Variants in SLC25A24 observed in about 807,000 individuals in gnomAD.
SLC25A24 encodes solute carrier family 25 member 24, also known as mitochondrial adenyl nucleotide antiporter SLC25A24.
SLC25A24 carries 49 observed loss-of-function variants against 60.7 expected under a neutral mutation model. That is an observed-to-expected ratio of 0.81 (90% CI 0.64 to 1.02). The LOEUF is 1.02. Ranked by LOEUF, SLC25A24 falls within the 50% of genes least tolerant of loss-of-function variation. SLC25A24 has a pLI of 0.00. For missense variants in SLC25A24, 564 were observed against 586.3 expected, an observed-to-expected ratio of 0.96 and a Z score of 0.39; for synonymous variants, 202 against 200.6, an observed-to-expected ratio of 1.01 and a Z score of -0.06.
chr1:108,177,317 C>T (rs1553255831), intron 3 of SLC25A24, among the ~76,000 whole-genome samples: 1 of 150,714 alleles, frequency 6.6e-6, no homozygotes, highest in South Asian at 2.1e-4. Flanking sequence ...ATCACTTAAC[C>T]ACAAAAAAAA....
At chr1:108,159,726 A>T (rs1243225505) in intron 4 of SLC25A24, among the ~76,000 whole-genome samples, 1 of 151,632 alleles carries the variant, frequency 6.6e-6, no homozygotes, top group Admixed American at 6.6e-5. Flanking sequence ...CACCGCCCTT[A>T]ATCCATTTAA....
intron 5 of SLC25A24, 70 bp downstream of exon 5, chr1:108,157,392 T>G: frequency 6.8e-7 from 1 of 1,478,078 alleles, no homozygotes; most frequent in Non-Finnish European, 9.1e-7. Flanking sequence ...AACTTCTTTT[T>G]CAAAGCACCA....
At chr1:108,156,653 T>A (rs560726669) in intron 5 of SLC25A24, among the ~76,000 whole-genome samples, 1 of 152,370 alleles carries the variant, frequency 6.6e-6, no homozygotes, top group Non-Finnish European at 1.5e-5. Flanking sequence ...TGTAAACAAC[T>A]ACTATGTTCC....
intron 3 of SLC25A24, among the ~76,000 whole-genome samples, chr1:108,166,108 G>A (rs1195184541): frequency 6.6e-6 from 1 of 152,202 alleles, no homozygotes; most frequent in African/African-American, 2.4e-5. Context: ...CTTTAAGAAT[G>A]TTGAATATTG....
rs1344021328 is a variant in SLC25A24 at position 108,200,329 on chromosome 1, C to T, written c.-191G>A. On this transcript the variant is annotated 5_prime_UTR_variant, in exon 1 of 10. Transcript: ENST00000565488. ...AGCGGAGACCCCACCCGAGCCCGCG[C>T]GGAGCGCAGGGTGTGGCCGTCCCGC... 5.5e-6 allele frequency: 2 copies of T among 362,596 alleles called. No individual in the cohort carries two copies. Among genetic ancestry groups the T allele is most frequent in the Non-Finnish European group, 9.3e-6 (2 of 215,926 alleles). 22.5% of individuals were successfully genotyped at this position (362,596 alleles called of 1,614,324 possible). A position where few individuals can be genotyped will look rare whatever the true frequency, so the allele number is the denominator to read the frequency against.
At chr1:108,166,052 A>T (rs921855840) in intron 3 of SLC25A24, among the ~76,000 whole-genome samples, 10 of 151,954 alleles carry the variant, frequency 6.6e-5, no homozygotes, top group Non-Finnish European at 1.3e-4. Context: ...TTCACTTATG[A>T]AGCTTAGTTT....
chr1:108,157,682 T>C (rs963650223), intron 4 of SLC25A24, 62 bp from the exon 5 acceptor site: 8 of 1,550,960 alleles, frequency 5.2e-6, no homozygotes, highest in Admixed American at 1.8e-5. Flanking sequence ...GAAGACGTTT[T>C]GTTTTAGAGA....
intron 4 of SLC25A24, 107 bp downstream of exon 4, chr1:108,161,075 T>A: frequency 3.2e-6 from 2 of 621,930 alleles, no homozygotes; most frequent in Non-Finnish European, 5.7e-6. Flanking sequence ...AAGGAGCTAC[T>A]GGGACTCAGG....
At chr1:108,192,413 G>T in intron 1 of SLC25A24, 1 of 1,004,780 alleles carries the variant, frequency 1.0e-6, no homozygotes, top group Non-Finnish European at 1.5e-6. Flanking sequence ...TTGACAACAT[G>T]TAAATTTTGC....
chr1:108,138,542 G>C lies in SLC25A24; in HGVS notation c.1249+516C>G, dbSNP rs933902649. On this transcript the variant is annotated intron_variant, in intron 9 of 9. Transcript: ENST00000565488. The stretch of plus-strand genomic sequence containing the variant: ...TACAGTGTAATCAAAGCCAACAATG[G>C]AGACTGTCACAGTGAGGAGGAATCA... 1.8e-3 allele frequency among the ~76,000 whole-genome samples: 8 copies of C among 4,490 alleles called. No individual in the cohort carries two copies. In the Non-Finnish European group the frequency reaches 0.071, roughly 40 times the overall value. 2.9% of individuals were successfully genotyped at this position (4,490 alleles called of 152,430 possible). A position where few individuals can be genotyped will look rare whatever the true frequency, so the allele number is the denominator to read the frequency against.
At chr1:108,142,983 C>T (rs1398782166) in intron 8 of SLC25A24, among the ~76,000 whole-genome samples, 4 of 152,142 alleles carry the variant, frequency 2.6e-5, no homozygotes, top group Non-Finnish European at 5.9e-5. Flanking sequence ...TCTGTCGCAG[C>T]ACAGATAACC....
intron 6 of SLC25A24, 104 bp from the exon 7 acceptor site, chr1:108,148,490 TAGG>T (rs2101604789): frequency 1.4e-6 from 1 of 711,604 alleles, no homozygotes; most frequent in Admixed American, 2.0e-5. Flanking sequence ...GTGATGGTAT[TAGG>T]AGATGAGGCT....
intron 1 of SLC25A24, among the ~76,000 whole-genome samples, chr1:108,186,493 G>A (rs1216179016): frequency 3.3e-5 from 5 of 151,978 alleles, no homozygotes; most frequent in Non-Finnish European, 7.4e-5. Context: ...GGAATTTGAG[G>A]TTACAGTGAG....
intron 6 of SLC25A24, among the ~76,000 whole-genome samples, chr1:108,152,363 T>G (rs1357870679): frequency 1.3e-5 from 2 of 151,950 alleles, no homozygotes; most frequent in African/African-American, 4.8e-5. Flanking sequence ...TTCCCCTTTA[T>G]TTATTTATTT....
Position 108,164,236 on chromosome 1 carries a change from T to C in SLC25A24, c.399-2943A>G, listed in dbSNP as rs879431085. 1.5e-3 allele frequency among the ~76,000 whole-genome samples: 223 copies of C among 152,014 alleles called. 1 individual carries two copies. Among genetic ancestry groups the C allele is most frequent in the Non-Finnish European group, 3.0e-3 (203 of 68,014 alleles). On this transcript the variant is annotated intron_variant, in intron 3 of 9. Transcript: ENST00000565488. ...TTTTTGCATCAATGTTCATCAAGGATATTGGTCTAAAATTCTCTTTTTTTG... is the reference window on the plus strand; with the variant it reads ...TTTTTGCATCAATGTTCATCAAGGACATTGGTCTAAAATTCTCTTTTTTTG...
intron 2 of SLC25A24, among the ~76,000 whole-genome samples, chr1:108,182,785 A>G (rs905958296): frequency 2.6e-5 from 4 of 152,134 alleles, no homozygotes; most frequent in Admixed American, 2.6e-4. Context: ...GTGAGCTGAG[A>G]TCGCGCCACT....
At chr1:108,157,757 A>G in intron 4 of SLC25A24, 137 bp from the exon 5 acceptor site, 3 of 887,004 alleles carry the variant, frequency 3.4e-6, no homozygotes, top group Non-Finnish European at 5.2e-6. Context: ...AACCAATTTG[A>G]GTACATAGAT....
rs777118761 is a variant in SLC25A24, at chr1:108,185,854, A to T, written c.284T>A (p.Phe95Tyr). Residue 95 changes from phenylalanine to tyrosine, a missense_variant, in exon 2 of 10, where the codon TTT becomes TAT. Transcript: ENST00000565488. Reference protein sequence around the residue: ...KDHEKKMKLAFKSLDKNNDGK... With the variant: ...KDHEKKMKLAYKSLDKNNDGK... ...ATCATTATTTTTGTCTAAACTCTTA[A>T]ATGCCAATTTCATTTTCTTCTCATG... The T allele has an allele frequency of 6.3e-7, 1 of 1,590,914 alleles. No individual in the cohort carries two copies. Among genetic ancestry groups the T allele is most frequent in the South Asian group, 1.1e-5 (1 of 87,652 alleles).
chr1:108,152,935 T>C lies in SLC25A24; in HGVS notation c.822+2048A>G, dbSNP rs188789175. Among the ~76,000 whole-genome samples the C allele has an allele frequency of 1.4e-4, 22 of 152,178 alleles. No individual in the cohort carries two copies. The East Asian group carries it at 3.9e-3, about 27-fold the overall frequency. ...AGGGCATTTCCCACCATATGACATATAGAAAGAGGAAGGGTGTCTGTCTGT... is the reference window on the plus strand; with the variant it reads ...AGGGCATTTCCCACCATATGACATACAGAAAGAGGAAGGGTGTCTGTCTGT... On this transcript the variant is annotated intron_variant, in intron 6 of 9. Transcript: ENST00000565488.
Sources: gnomAD v4.1 joint callset for allele counts (sites outside exome capture counted in the v4.1 genomes callset) on GRCh38, gnomAD v4.1.1 for gene constraint, MANE v1.5 for transcripts, NCBI Gene and HGNC (gene_info 2026-07-23, HGNC 2026-07-21) for gene names.